Variants in EYA2 observed in about 807,000 individuals in gnomAD.
EYA2 encodes protein phosphatase EYA2.
EYA2 carries 31 observed loss-of-function variants against 69.2 expected under a neutral mutation model. The ratio of observed to expected loss-of-function variants is 0.45; its 90% CI spans 0.34 to 0.60. The LOEUF (loss-of-function observed/expected upper bound fraction) is 0.60. EYA2 is among the 20% of genes least tolerant of loss of function. The pLI is 0.02. For synonymous variants in EYA2, 257 were observed against 279.4 expected, an observed-to-expected ratio of 0.92 and a Z score of 0.80; for missense variants, 622 against 701.2, an observed-to-expected ratio of 0.89 and a Z score of 1.28.
intron 1 of EYA2, chr20:46,978,214 G>C (rs6066150): frequency 0.24 from 44,992 of 184,702 alleles, 5,968 homozygotes; most frequent in African/African-American, 0.28. Flanking sequence ...TAATTGCCAG[G>C]CTCAGAGCTT....
chr20:47,113,315 G>A (rs1489575384), intron 9 of EYA2, among the ~76,000 whole-genome samples: 1 of 152,192 alleles, frequency 6.6e-6, no homozygotes, highest in African/African-American at 2.4e-5. Context: ...GAGTGATGAG[G>A]TGGCACCTTT....
intron 15 of EYA2, 57 bp from the exon 16 acceptor site, chr20:47,187,996 T>A: frequency 1.3e-6 from 2 of 1,536,634 alleles, no homozygotes; most frequent in Non-Finnish European, 1.8e-6. Flanking sequence ...ACCACAGGCG[T>A]GGAACCCGGG....
chr20:47,073,590 A>T (rs1397387699), intron 6 of EYA2, among the ~76,000 whole-genome samples: 1 of 152,022 alleles, frequency 6.6e-6, no homozygotes, highest in Admixed American at 6.5e-5. Context: ...GCACTGTTTC[A>T]GGTGCAGAGG....
intron 11 of EYA2, 106 bp from the exon 12 acceptor site, chr20:47,172,601 G>T (rs1223533872): frequency 2.5e-6 from 3 of 1,220,058 alleles, no homozygotes; most frequent in East Asian, 2.4e-5. Context: ...GGGGCTCATG[G>T]ACACCCAAAA....
intron 1 of EYA2, among the ~76,000 whole-genome samples, chr20:46,955,020 A>G (rs940683145): frequency 1.3e-5 from 2 of 152,046 alleles, no homozygotes; most frequent in South Asian, 2.1e-4. Flanking sequence ...TCTCAGCCTG[A>G]GTTGATTTCC....
At chr20:46,976,800 C>CA (rs5841662) in intron 1 of EYA2, among the ~76,000 whole-genome samples, 29,610 of 152,192 alleles carry the variant, frequency 0.19, 3,728 homozygotes, top group Admixed American at 0.38. Context: ...TGAGGAGCGA[C>CA]ATGCAAACGG....
chr20:46,959,655 C>T (rs894551115), intron 1 of EYA2, among the ~76,000 whole-genome samples: 16 of 152,302 alleles, frequency 1.1e-4, no homozygotes, highest in Middle Eastern at 3.4e-3. Context: ...CGCACACGCA[C>T]GCACACGCAC....
At chr20:46,910,706 C>G (rs1268977727) in intron 1 of EYA2, among the ~76,000 whole-genome samples, 1 of 152,190 alleles carries the variant, frequency 6.6e-6, no homozygotes, top group Non-Finnish European at 1.5e-5. Context: ...CATGCTCCAT[C>G]TAGGGGCATG....
At chr20:47,028,219 C>T (rs1984206341) in intron 5 of EYA2, among the ~76,000 whole-genome samples, 1 of 152,244 alleles carries the variant, frequency 6.6e-6, no homozygotes, top group South Asian at 2.1e-4. Context: ...ATCCAACCAG[C>T]TGGCACGTTG....
At chr20:47,070,938 T>A (rs2031291705) in intron 5 of EYA2, among the ~76,000 whole-genome samples, 1 of 152,130 alleles carries the variant, frequency 6.6e-6, no homozygotes, top group South Asian at 2.1e-4. Flanking sequence ...AGCCTCAAAC[T>A]CCTAGGTTCA....
At chr20:47,114,480 T>TG (rs1470386831) in intron 9 of EYA2, among the ~76,000 whole-genome samples, 1 of 152,126 alleles carries the variant, frequency 6.6e-6, no homozygotes, top group African/African-American at 2.4e-5. Context: ...CCGAGAGTGG[T>TG]GGTGTGCGCC....
chr20:46,978,571 G>A (rs561261220), intron 1 of EYA2: 1 of 534,820 alleles, frequency 1.9e-6, no homozygotes, highest in East Asian at 5.4e-5. Flanking sequence ...TCAAGGCTGT[G>A]TTCGGAACTC....
chr20:46,938,870 T>A (rs1986030331), intron 1 of EYA2, among the ~76,000 whole-genome samples: 2 of 152,084 alleles, frequency 1.3e-5, no homozygotes, highest in East Asian at 3.9e-4. Context: ...ACAGTGTGTT[T>A]CTCTGAATGA....
rs770097671 is a variant in EYA2, at chr20:47,156,161, T to C, written c.979-12978T>C. Among the ~76,000 whole-genome samples the C allele has an allele frequency of 6.1e-3, 229 of 37,464 alleles. 14 individuals are homozygous for C. Among genetic ancestry groups the C allele is most frequent in the East Asian group, 0.013 (15 of 1,144 alleles). The allele number at this position is 37,464 out of a possible 152,430, so 24.6% of individuals were successfully genotyped here. A position where few individuals can be genotyped will look rare whatever the true frequency, so the allele number is the denominator to read the frequency against. On this transcript the variant is annotated intron_variant, in intron 10 of 15. Transcript: ENST00000327619. ...ATATATATATATATATATATATATA[T>C]ATATATATATATATATATATATATT...
At chr20:47,068,827 G>C (rs141971011) in intron 5 of EYA2, among the ~76,000 whole-genome samples, 1 of 152,244 alleles carries the variant, frequency 6.6e-6, no homozygotes, top group Admixed American at 6.5e-5. Context: ...TTTATAAAAA[G>C]TAGTGTGGGC....
chr20:47,157,716 G>A (rs1262607578), intron 10 of EYA2, among the ~76,000 whole-genome samples: 1 of 151,868 alleles, frequency 6.6e-6, no homozygotes, highest in Non-Finnish European at 1.5e-5. Flanking sequence ...AGCCCAAGTG[G>A]AAATAAAAAT....
At chr20:47,065,715 G>T (rs971983462) in intron 5 of EYA2, among the ~76,000 whole-genome samples, 1 of 152,062 alleles carries the variant, frequency 6.6e-6, no homozygotes, top group African/African-American at 2.4e-5. Flanking sequence ...TCTCAGACTG[G>T]TAATAAACAC....
intron 4 of EYA2, among the ~76,000 whole-genome samples, chr20:47,009,813 T>C (rs748161915): frequency 6.6e-6 from 1 of 152,244 alleles, no homozygotes; most frequent in Non-Finnish European, 1.5e-5. Flanking sequence ...CAGATGACAT[T>C]TGGCCTATGG....
chr20:47,062,380 G>A (rs893448411), intron 5 of EYA2, among the ~76,000 whole-genome samples: 19 of 152,310 alleles, frequency 1.2e-4, no homozygotes, highest in African/African-American at 4.3e-4. Flanking sequence ...CCCTTGGACT[G>A]CACAGCTGGG....
Sources: allele counts gnomAD v4.1 joint callset (sites outside exome capture counted in the v4.1 genomes callset), GRCh38; gene constraint gnomAD v4.1.1; transcripts MANE v1.5; gene names NCBI Gene and HGNC (gene_info 2026-07-23, HGNC 2026-07-21).